RHOBTB1: variants seen among roughly 807,000 people sequenced by gnomAD.
The protein encoded by RHOBTB1 is rho-related BTB domain-containing protein 1.
In RHOBTB1, 40 loss-of-function variants were observed where a neutral mutation model predicts 71.6. That is an observed-to-expected ratio of 0.56 (90% confidence interval 0.43 to 0.73). The LOEUF (loss-of-function observed/expected upper bound fraction) is 0.73. RHOBTB1 is among the 30% of genes least tolerant of loss of function. The pLI, the probability that RHOBTB1 is intolerant of heterozygous loss-of-function variation, is 0.00. For missense variants in RHOBTB1, 797 were observed against 894.0 expected, an observed-to-expected ratio of 0.89 and a Z score of 1.38; for synonymous variants, 319 against 334.9, an observed-to-expected ratio of 0.95 and a Z score of 0.52.
chr10:60,912,867 A>G (rs552603142), intron 2 of RHOBTB1: 1 of 152,338 alleles, frequency 6.6e-6, no homozygotes, highest in East Asian at 1.9e-4. Flanking sequence ...GAGGGAGTCT[A>G]TTGTTAAACT....
At chr10:60,863,670 C>G in the RHOBTB1 span, among the ~76,000 whole-genome samples, 3 of 152,030 alleles carry the variant, frequency 2.0e-5, no homozygotes, top group Non-Finnish European at 2.9e-5. Flanking sequence ...GTAGCTGGGA[C>G]TACAGGTGCC....
intron 1 of RHOBTB1, among the ~76,000 whole-genome samples, chr10:60,942,603 C>A (rs2084959238): frequency 1.3e-5 from 2 of 152,172 alleles, no homozygotes; most frequent in South Asian, 4.1e-4. Context: ...ACCTGGGGAG[C>A]AGAATGCAGA....
intron 2 of RHOBTB1, among the ~76,000 whole-genome samples, chr10:60,912,148 CTT>C (rs1198015261): frequency 1.3e-5 from 2 of 151,996 alleles, no homozygotes; most frequent in Admixed American, 6.5e-5. Flanking sequence ...ATCAAATTAA[CTT>C]ATATTTATTT....
intron 4 of RHOBTB1, among the ~76,000 whole-genome samples, chr10:60,897,614 C>T (rs930609592): frequency 6.6e-6 from 1 of 152,196 alleles, no homozygotes; most frequent in African/African-American, 2.4e-5. Flanking sequence ...GTGGGACAGC[C>T]AAATGCCCTT....
upstream of RHOBTB1, among the ~76,000 whole-genome samples, chr10:60,948,503 C>G (rs2085308283): frequency 6.6e-6 from 1 of 152,158 alleles, no homozygotes; most frequent in Non-Finnish European, 1.5e-5. Context: ...CTGGTCACAG[C>G]AGTGGCTTTG....
chr10:60,866,510 C>T (rs1223804218), downstream of RHOBTB1, among the ~76,000 whole-genome samples: 7 of 152,098 alleles, frequency 4.6e-5, no homozygotes, highest in East Asian at 1.9e-4. Context: ...GAGGGCCTTG[C>T]GTTGACTGAG....
At chr10:60,953,310 A>G (rs934300001) in intron 2 of RHOBTB1, among the ~76,000 whole-genome samples, 1 of 152,182 alleles carries the variant, frequency 6.6e-6, no homozygotes, top group Non-Finnish European at 1.5e-5. Flanking sequence ...CATTAGTTCT[A>G]AAGTGAGGCT....
chr10:60,903,676 CTATGGGCCCCTGGGTCA>C (rs1179006496), intron 4 of RHOBTB1, among the ~76,000 whole-genome samples: 5 of 44,822 alleles, frequency 1.1e-4, no homozygotes, highest in East Asian at 6.1e-4. Flanking sequence ...CTGGGTCAGA[CTATGGGCCCCTGGGTCA>C]GACTATGAGC....
At chr10:60,910,419 T>C (rs936468972) in intron 4 of RHOBTB1, among the ~76,000 whole-genome samples, 1 of 152,218 alleles carries the variant, frequency 6.6e-6, no homozygotes, top group African/African-American at 2.4e-5. Context: ...AAAATGACCT[T>C]CTAATAAAAA....
At chr10:60,967,916 T>G (rs2086025604) in intron 2 of RHOBTB1, among the ~76,000 whole-genome samples, 2 of 152,076 alleles carry the variant, frequency 1.3e-5, no homozygotes, top group African/African-American at 2.4e-5. Flanking sequence ...TAAATTTACT[T>G]AAGATGACTA....
At chr10:60,926,961 C>A (rs1243335668) in intron 2 of RHOBTB1, among the ~76,000 whole-genome samples, 3 of 152,090 alleles carry the variant, frequency 2.0e-5, no homozygotes, top group Non-Finnish European at 4.4e-5. Flanking sequence ...CAGATGATAT[C>A]TTATATTTAG....
At chr10:60,997,351 A>G (rs2087092840) in intron 1 of RHOBTB1, among the ~76,000 whole-genome samples, 1 of 152,196 alleles carries the variant, frequency 6.6e-6, no homozygotes, top group African/African-American at 2.4e-5. Context: ...TGTGGGTGCA[A>G]TCTCAAACCT....
intron 1 of RHOBTB1, among the ~76,000 whole-genome samples, 152 bp from the exon 2 acceptor site, chr10:60,942,006 G>A (rs554776488): frequency 6.6e-6 from 1 of 151,562 alleles, no homozygotes; most frequent in Non-Finnish European, 1.5e-5. Flanking sequence ...TGTTAATGTG[G>A]CATTTCTTTG....
chr10:60,942,654 AACCAGTG>A (rs2084962409), intron 1 of RHOBTB1, among the ~76,000 whole-genome samples: 1 of 152,208 alleles, frequency 6.6e-6, no homozygotes, highest in Non-Finnish European at 1.5e-5. Flanking sequence ...ATTTTCTAGC[AACCAGTG>A]ACTCTCTTAG....
At chr10:60,948,842 T>C (rs527874261), upstream of RHOBTB1, among the ~76,000 whole-genome samples, 1 of 152,342 alleles carries the variant, frequency 6.6e-6, no homozygotes, top group Admixed American at 6.5e-5. Context: ...GCTGGTGACA[T>C]ATTTATACTG....
chr10:60,952,658 A>G (rs1424837629), intron 2 of RHOBTB1, among the ~76,000 whole-genome samples: 1 of 152,236 alleles, frequency 6.6e-6, no homozygotes, highest in Admixed American at 6.5e-5. Flanking sequence ...TTCCCTATTC[A>G]TTCAAAGTAT....
upstream of RHOBTB1, among the ~76,000 whole-genome samples, chr10:60,945,965 G>A (rs994166047): frequency 2.6e-5 from 4 of 152,150 alleles, no homozygotes; most frequent in African/African-American, 9.7e-5. Context: ...GGATCACGAG[G>A]TCAGGAGTTC....
At position 60,891,327 on chromosome 10, in the gene RHOBTB1, C is replaced by T. The variant is rs1434243703; in HGVS notation, c.482+1483G>A. 4.2e-5 allele frequency among the ~76,000 whole-genome samples: 5 copies of T among 119,482 alleles called. No homozygotes were observed. The East Asian group carries it at 8.7e-4, about 21-fold the overall frequency. The allele number at this position is 119,482 out of a possible 152,430, so 78.4% of individuals were successfully genotyped here. On this transcript the variant is annotated intron_variant, in intron 5 of 10. Coordinates refer to ENST00000337910, the MANE Select transcript of RHOBTB1 (RefSeq NM_014836.5). ...AAATAAGGGATTTTTGTTGTTGTTG[C>T]TGTTTGCTTTTTTTTTTTTTTTTTT...
At chr10:60,948,666 A>C (rs2085313780), upstream of RHOBTB1, among the ~76,000 whole-genome samples, 1 of 152,234 alleles carries the variant, frequency 6.6e-6, no homozygotes, top group South Asian at 2.1e-4. Flanking sequence ...TAGTACTAAC[A>C]GGGGTTTGAA....
Sources: allele counts gnomAD v4.1 joint callset (sites outside exome capture counted in the v4.1 genomes callset), GRCh38; gene constraint gnomAD v4.1.1; transcripts MANE v1.5; gene names NCBI Gene and HGNC (gene_info 2026-07-23, HGNC 2026-07-21).